CNTN5: variants seen among roughly 807,000 people sequenced by gnomAD.
CNTN5 encodes contactin-5.
A neutral mutation model predicts 129.1 loss-of-function variants in CNTN5; 77 were observed. The ratio of observed to expected loss-of-function variants is 0.60; its 90% CI spans 0.50 to 0.72. The LOEUF is 0.72. Ranked by LOEUF, CNTN5 falls within the 30% of genes least tolerant of loss-of-function variation. CNTN5 has a pLI of 0.00. For missense variants in CNTN5, 1,478 were observed against 1,328.8 expected, an observed-to-expected ratio of 1.11 and a Z score of -1.75; for synonymous variants, 509 against 465.6, an observed-to-expected ratio of 1.09 and a Z score of -1.20.
chr11:99,957,253 G>A (rs1040083850), intron 8 of CNTN5, among the ~76,000 whole-genome samples: 2 of 152,140 alleles, frequency 1.3e-5, no homozygotes, highest in African/African-American at 4.8e-5. Flanking sequence ...GCCAGAAAGG[G>A]AGAAAGAATC....
At chr11:100,198,813 G>A (rs950929300) in intron 15 of CNTN5, among the ~76,000 whole-genome samples, 6 of 151,876 alleles carry the variant, frequency 4.0e-5, no homozygotes, top group African/African-American at 1.4e-4. Flanking sequence ...TGATTCATAT[G>A]CAGAATTTTT....
At chr11:99,462,360 C>CTTTTTTTTTTTTTTTTTTTTCTTTTTTTT (rs72276833) in intron 2 of CNTN5, among the ~76,000 whole-genome samples, 1 of 125,284 alleles carries the variant, frequency 8.0e-6, no homozygotes, top group Non-Finnish European at 1.7e-5. Flanking sequence ...CTTTTCTTTT[C>CTTTTTTTTTTTTTTTTTTTTCTTTTTTTT]TTTTTTTTTT....
At chr11:99,753,790 C>A (rs61911568) in intron 3 of CNTN5, among the ~76,000 whole-genome samples, 2,852 of 146,944 alleles carry the variant, frequency 0.019, 41 homozygotes, top group Non-Finnish European at 0.031. Context: ...TGGGTTCATG[C>A]AATTCTCATG....
At chr11:99,568,994 T>C (rs1565304458) in intron 3 of CNTN5, among the ~76,000 whole-genome samples, 1 of 152,180 alleles carries the variant, frequency 6.6e-6, no homozygotes. Flanking sequence ...TAGTTAAATA[T>C]CAATGAAGTC....
At chr11:99,281,175 A>C (rs1863679010) in intron 1 of CNTN5, among the ~76,000 whole-genome samples, 1 of 151,980 alleles carries the variant, frequency 6.6e-6, no homozygotes, top group Non-Finnish European at 1.5e-5. Context: ...CAGACAGGAC[A>C]AAGAGAAAGC....
At chr11:99,145,003 G>A (rs1031634155) in intron 1 of CNTN5, among the ~76,000 whole-genome samples, 8 of 151,844 alleles carry the variant, frequency 5.3e-5, no homozygotes, top group Admixed American at 4.6e-4. Flanking sequence ...ATTTATGTTG[G>A]TATCTGCACA....
At chr11:99,600,672 TG>T (rs1950285125) in intron 3 of CNTN5, among the ~76,000 whole-genome samples, 1 of 152,192 alleles carries the variant, frequency 6.6e-6, no homozygotes, top group African/African-American at 2.4e-5. Flanking sequence ...AATAGGAAGA[TG>T]GGTAGAAGCC....
chr11:99,229,884 ATCTG>A (rs1860898299), intron 1 of CNTN5, among the ~76,000 whole-genome samples: 1 of 152,064 alleles, frequency 6.6e-6, no homozygotes, highest in African/African-American at 2.4e-5. Flanking sequence ...CTGTCTATCT[ATCTG>A]TCTAGTATGC....
At chr11:99,983,919 G>A (rs187564410) in intron 8 of CNTN5, among the ~76,000 whole-genome samples, 1,641 of 152,148 alleles carry the variant, frequency 0.011, 38 homozygotes, top group African/African-American at 0.038. Flanking sequence ...TGACCAGTAA[G>A]ATAATTTAAA....
chr11:99,508,297 G>A (rs566770769), intron 2 of CNTN5, among the ~76,000 whole-genome samples: 13 of 152,128 alleles, frequency 8.5e-5, no homozygotes, highest in African/African-American at 2.9e-4. Flanking sequence ...TATGTTAAGC[G>A]CCTGCCTTTC....
chr11:99,851,246 A>G (rs1947864781), intron 6 of CNTN5, among the ~76,000 whole-genome samples: 1 of 152,164 alleles, frequency 6.6e-6, no homozygotes, highest in South Asian at 2.1e-4. Flanking sequence ...AGTAAAAATT[A>G]ATGAGGTGGA....
rs1186386021 is a variant in CNTN5 at position 99,358,255 on chromosome 11, A to ATTTTTTTTTTTTT, written c.-71+32779_-71+32791dup. On this transcript the variant is annotated intron_variant, in intron 2 of 24. Coordinates refer to ENST00000524871, the MANE Select transcript of CNTN5 (RefSeq NM_014361.4). ...AGGCGCCCGCCACCACGCCCTGCTG[A>ATTTTTTTTTTTTT]TTTTTTTTTTTTTTTTTTTTAGTAG... Among the ~76,000 whole-genome samples, 256 of 46,910 alleles carry ATTTTTTTTTTTTT rather than the reference A, an allele frequency of 5.5e-3. 45 individuals are homozygous for ATTTTTTTTTTTTT. Among genetic ancestry groups the ATTTTTTTTTTTTT allele is most frequent in the East Asian group, 0.015 (21 of 1,364 alleles). The allele number at this position is 46,910 out of a possible 152,430, so 30.8% of individuals were successfully genotyped here.
intron 2 of CNTN5, among the ~76,000 whole-genome samples, chr11:99,550,378 C>T (rs1355592142): frequency 6.6e-6 from 1 of 151,864 alleles, no homozygotes; most frequent in East Asian, 1.9e-4. Context: ...ATTTTTTTTC[C>T]CCAGGTGCAT....
intron 3 of CNTN5, among the ~76,000 whole-genome samples, chr11:99,663,545 T>A (rs1270315004): frequency 6.6e-6 from 1 of 152,180 alleles, no homozygotes; most frequent in Non-Finnish European, 1.5e-5. Flanking sequence ...TGATATGGTT[T>A]GACTTTGTGT....
intron 9 of CNTN5, among the ~76,000 whole-genome samples, chr11:100,053,512 C>T (rs533209406): frequency 1.3e-5 from 2 of 151,732 alleles, no homozygotes; most frequent in African/African-American, 4.8e-5. Context: ...AAATTGAAAC[C>T]ACACTTTAGT....
At chr11:99,134,921 T>C (rs550276963) in intron 1 of CNTN5, among the ~76,000 whole-genome samples, 40 of 152,304 alleles carry the variant, frequency 2.6e-4, no homozygotes, top group Non-Finnish European at 7.4e-5. Flanking sequence ...AGGAAGTAAA[T>C]GCAGAAACTC....
rs144498216 is a variant in CNTN5, at chr11:100,298,814, C to A, written c.2386-348C>A. Among the ~76,000 whole-genome samples, 635 of 151,238 alleles carry A rather than the reference C, an allele frequency of 4.2e-3. 4 individuals carry two copies. The highest frequency in any genetic ancestry group is 7.4e-3 in the Non-Finnish European group (497 of 67,476). On this transcript the variant is annotated intron_variant, in intron 19 of 24. Coordinates refer to ENST00000524871, the MANE Select transcript of CNTN5 (RefSeq NM_014361.4). ...AGAGCATTACCAGTGACAAGATATTCCCGACCACCAGACCATAGGACAATT... is the reference window on the plus strand; with the variant it reads ...AGAGCATTACCAGTGACAAGATATTACCGACCACCAGACCATAGGACAATT...
intron 3 of CNTN5, among the ~76,000 whole-genome samples, chr11:99,806,932 T>C (rs1451900708): frequency 4.6e-5 from 7 of 152,130 alleles, no homozygotes; most frequent in South Asian, 2.1e-4. Context: ...GAGTATGCTA[T>C]TATCAAATTG....
chr11:99,346,654 A>G (rs1937899786), intron 2 of CNTN5, among the ~76,000 whole-genome samples: 1 of 152,200 alleles, frequency 6.6e-6, no homozygotes, highest in Non-Finnish European at 1.5e-5. Flanking sequence ...CATTTCTCCA[A>G]AATTCTTATG....
Sources: allele counts gnomAD v4.1 joint callset (sites outside exome capture counted in the v4.1 genomes callset), GRCh38; gene constraint gnomAD v4.1.1; transcripts MANE v1.5; gene names NCBI Gene and HGNC (gene_info 2026-07-23, HGNC 2026-07-21).